Variants in PROCA1 observed in about 807,000 individuals in gnomAD.
PROCA1 encodes protein interacting with cyclin A1.
PROCA1 carries 22 observed loss-of-function variants against 23.2 expected under a neutral mutation model. The observed-to-expected ratio is 0.95, with a 90% CI of 0.68 to 1.35. PROCA1 has a LOEUF of 1.35. PROCA1 is among the 40% of genes most tolerant of loss of function. The probability of loss-of-function intolerance (pLI) is 0.00; values close to 1 mark genes in which losing one functional copy is unlikely to be tolerated. For synonymous variants in PROCA1, 182 were observed against 179.2 expected (o/e 1.02, Z -0.12); for missense variants, 469 against 459.8 (o/e 1.02, Z -0.18).
rs780198713 is a variant in PROCA1, at chr17:28,704,141, T to C, written c.512A>G (p.Asp171Gly). The C allele has an allele frequency of 9.6e-6, 15 of 1,557,586 alleles. No individual in the cohort carries two copies. Among genetic ancestry groups the C allele is most frequent in the Non-Finnish European group, 1.1e-5 (13 of 1,158,264 alleles). ...CTCCTCTTCCTCTTCTTCATTTAGATCATCTGCCCCACACTCATGGTAGAG... is the reference window on the plus strand; with the variant it reads ...CTCCTCTTCCTCTTCTTCATTTAGACCATCTGCCCCACACTCATGGTAGAG... ...HPLYHECGAD[D>G]LNEEEEEEEE... The change falls in exon 5 of 5, where the codon GAT becomes GGT. Residue 171 changes from aspartate (D) to glycine (G), a missense_variant. Asp to Gly is a moderately conservative substitution (Grantham distance 94). Coordinates refer to ENST00000682792, the MANE Select transcript of PROCA1 (RefSeq NM_001366301.1).
chr17:28,710,928 CGACCTCGAGGCACTGGGGGTG>C, intron 1 of PROCA1: 1 of 1,299,376 alleles, frequency 7.7e-7, no homozygotes, highest in Non-Finnish European at 1.0e-6. Context: ...GAGCTCTCCT[CGACCTCGAGGCACTGGGGGTG>C]GGCACCAGAG....
intron 1 of PROCA1, chr17:28,710,879 C>T (rs1352274454): frequency 6.1e-6 from 8 of 1,303,600 alleles, no homozygotes; most frequent in Non-Finnish European, 8.1e-6. Context: ...ACAAGTTATG[C>T]TCATCTGTAC....
chr17:28,711,114 G>A (rs2032760317), intron 1 of PROCA1: 14 of 1,180,820 alleles, frequency 1.2e-5, no homozygotes, highest in African/African-American at 1.6e-5. Context: ...CGCCGCGGAG[G>A]TAATTGTGAT....
At chr17:28,704,463 C>T (rs748592467) in intron 3 of PROCA1, 28 bp from the exon 4 acceptor site, 5 of 1,597,974 alleles carry the variant, frequency 3.1e-6, no homozygotes, top group Admixed American at 1.7e-5. Context: ...CTCAGCCTGG[C>T]TCCCATCACT....
At chr17:28,705,109 G>T in intron 2 of PROCA1, 1 of 356,998 alleles carries the variant, frequency 2.8e-6, no homozygotes, top group Non-Finnish European at 5.1e-6. Context: ...CCCTCCAGTG[G>T]GAGGCCTCCA....
Position 28,711,849 on chromosome 17 carries a change from C to G in PROCA1, c.-189G>C, listed in dbSNP as rs1027628363. ...CCAGCCCGGCTCCAGGCTGCGTAGT[C>G]TTCCCAGCTGGGTCTCAGCGTCAGC... On this transcript the variant is annotated 5_prime_UTR_variant, in exon 1 of 5. Transcript: ENST00000682792. 10 of 534,212 alleles carry G rather than the reference C, an allele frequency of 1.9e-5. No individual in the cohort carries two copies. Among genetic ancestry groups the G allele is most frequent in the South Asian group, 1.0e-4 (4 of 39,480 alleles). The allele number at this position is 534,212 out of a possible 1,614,324, so 33.1% of individuals were successfully genotyped here. A position where few individuals can be genotyped will look rare whatever the true frequency, so the allele number is the denominator to read the frequency against.
chr17:28,707,570 C>T (rs1199992001), intron 1 of PROCA1: 6 of 152,236 alleles, frequency 3.9e-5, no homozygotes, highest in Admixed American at 1.3e-4. Flanking sequence ...CCCTCATCAA[C>T]TTTGCTTGCC....
At chr17:28,706,862 T>G (rs2032504236) in intron 1 of PROCA1, 99 bp from the exon 2 acceptor site, 1 of 1,169,272 alleles carries the variant, frequency 8.6e-7, no homozygotes, top group African/African-American at 1.7e-5. Context: ...AGGCCCTCGC[T>G]GCATCCTGGA....
intron 1 of PROCA1, chr17:28,710,857 A>G: frequency 1.5e-6 from 2 of 1,304,198 alleles, no homozygotes; most frequent in South Asian, 2.5e-5. Context: ...ACAAAGGCCT[A>G]ACTCAAAACT....
Position 28,704,333 on chromosome 17 carries a change from C to T in PROCA1, c.414G>A (p.Glu138=), listed in dbSNP as rs1046226031. ...SPCFELTPEE[E]HVERFRYGWC... ...AGCCATACCGGAATCGCTCCACATG[C>T]TCCTCCTCCGGTGTGAGCTCAAAGC... is the stretch of plus-strand genomic sequence containing the variant. The change falls in exon 4 of 5, where the codon GAG becomes GAA. Residue 138 remains glutamate, a synonymous_variant. Transcript: ENST00000682792. The T allele has an allele frequency of 1.9e-6, 3 of 1,613,944 alleles. No individual in the cohort carries two copies. The highest frequency in any genetic ancestry group is 2.5e-6 in the Non-Finnish European group (3 of 1,179,890).
intron 1 of PROCA1, among the ~76,000 whole-genome samples, chr17:28,708,745 A>AC (rs1473198520): frequency 6.7e-6 from 1 of 150,200 alleles, no homozygotes; most frequent in Admixed American, 6.6e-5. Flanking sequence ...AAAAAAAAAA[A>AC]ACGACATTTT....
chr17:28,710,789 A>G (rs1325357763), intron 1 of PROCA1: 3 of 1,303,862 alleles, frequency 2.3e-6, no homozygotes, highest in Non-Finnish European at 3.0e-6. Flanking sequence ...GGAGGGTGAT[A>G]GGGTGAAAGA....
At chr17:28,710,761 AAC>A (rs1280289390) in intron 1 of PROCA1, 1 of 1,301,082 alleles carries the variant, frequency 7.7e-7, no homozygotes, top group African/African-American at 1.5e-5. Context: ...AGTGACTGAC[AAC>A]ACACACAATG....
intron 1 of PROCA1, among the ~76,000 whole-genome samples, chr17:28,710,119 T>G (rs1040176659): frequency 6.6e-5 from 10 of 152,104 alleles, no homozygotes; most frequent in African/African-American, 2.4e-4. Context: ...TTATCCACCC[T>G]GGACCCTAAA....
At chr17:28,704,885 C>A (rs909961213) in intron 2 of PROCA1, 42 bp from the exon 3 acceptor site, 2 of 1,593,156 alleles carry the variant, frequency 1.3e-6, no homozygotes, top group East Asian at 4.5e-5. Context: ...CAGCCGCAGA[C>A]CTCTGGGTCT....
chr17:28,703,443 GC>G lies in PROCA1; in HGVS notation c.*114del. 1 of 1,123,926 alleles carries G rather than the reference GC, an allele frequency of 8.9e-7. No individual in the cohort carries two copies. Among genetic ancestry groups the G allele is most frequent in the Non-Finnish European group, 1.3e-6 (1 of 785,214 alleles). The allele number at this position is 1,123,926 out of a possible 1,614,324, so 69.6% of individuals were successfully genotyped here. A position where few individuals can be genotyped will look rare whatever the true frequency, so the allele number is the denominator to read the frequency against. On this transcript the variant is annotated 3_prime_UTR_variant, in exon 5 of 5. Coordinates refer to ENST00000682792, the MANE Select transcript of PROCA1 (RefSeq NM_001366301.1). The stretch of plus-strand genomic sequence containing the variant: ...GGATTGCCTTTGAGAAACCCCTGCA[GC>G]CCTGAGCCCACCCCTTGCCCCGCAA...
At chr17:28,710,340 T>C (rs1348965310) in intron 1 of PROCA1, among the ~76,000 whole-genome samples, 2 of 148,568 alleles carry the variant, frequency 1.3e-5, no homozygotes, top group Admixed American at 6.7e-5. Flanking sequence ...CTACTAAAAA[T>C]AAAAAAAAAT....
chr17:28,711,695 C>G lies in PROCA1; in HGVS notation c.-35G>C, dbSNP rs755142375. On this transcript the variant is annotated 5_prime_UTR_variant, in exon 1 of 5. Transcript: ENST00000682792. Reference sequence around the variant, plus strand: ...CCCAGGTCTTCGTCTCTACAGGACTCTTGCGTGAAGTCCAACCCTGAGCCT... The same window carrying G: ...CCCAGGTCTTCGTCTCTACAGGACTGTTGCGTGAAGTCCAACCCTGAGCCT... 3 of 1,591,322 alleles carry G rather than the reference C, an allele frequency of 1.9e-6. No individual in the cohort carries two copies. Among genetic ancestry groups the G allele is most frequent in the Non-Finnish European group, 2.6e-6 (3 of 1,165,866 alleles).
chr17:28,703,545 G>T lies in PROCA1; in HGVS notation c.*13C>A. 1 of 1,608,370 alleles carries T rather than the reference G, an allele frequency of 6.2e-7. No homozygotes were observed. The highest frequency in any genetic ancestry group is 1.1e-5 in the South Asian group (1 of 90,272). ...CTCGATGGCATTTATTCTGCACCCT[G>T]ACCACCCTGGCCTCAACTGAGGTTG... On this transcript the variant is annotated 3_prime_UTR_variant, in exon 5 of 5. Coordinates refer to ENST00000682792, the MANE Select transcript of PROCA1 (RefSeq NM_001366301.1).
Sources: allele counts gnomAD v4.1 joint callset (sites outside exome capture counted in the v4.1 genomes callset), GRCh38; gene constraint gnomAD v4.1.1; transcripts MANE v1.5; gene names NCBI Gene and HGNC (gene_info 2026-07-23, HGNC 2026-07-21).